CD86: variants seen among roughly 807,000 people sequenced by gnomAD.
The protein encoded by CD86 is T-lymphocyte activation antigen CD86.
Under a neutral mutation model 32.1 loss-of-function variants are expected in CD86, and 11 were observed. The ratio of observed to expected loss-of-function variants is 0.34; its 90% CI spans 0.22 to 0.57. The LOEUF is 0.57. Ranked by LOEUF, CD86 falls within the 20% of genes least tolerant of loss-of-function variation. The pLI, the probability that CD86 is intolerant of heterozygous loss-of-function variation, is 0.86. For missense variants in CD86, 359 were observed against 398.4 expected, an observed-to-expected ratio of 0.90 and a Z score of 0.84; for synonymous variants, 137 against 135.3, an observed-to-expected ratio of 1.01 and a Z score of -0.09.
At chr3:122,081,591 C>A (rs560389632) in intron 1 of CD86, among the ~76,000 whole-genome samples, 46 of 152,260 alleles carry the variant, frequency 3.0e-4, no homozygotes, top group African/African-American at 1.1e-3. Context: ...GGAAATTAAC[C>A]ATTGTTATTG....
At chr3:122,094,278 T>C (rs1416111719) in intron 2 of CD86, among the ~76,000 whole-genome samples, 3 of 152,170 alleles carry the variant, frequency 2.0e-5, no homozygotes, top group East Asian at 1.9e-4. Flanking sequence ...GAAAACTGAG[T>C]TCAGGTGTCA....
intron 1 of CD86, among the ~76,000 whole-genome samples, chr3:122,059,303 C>T (rs536092950): frequency 1.3e-5 from 2 of 152,164 alleles, no homozygotes; most frequent in South Asian, 4.1e-4. Flanking sequence ...AAAACCTTGA[C>T]ATCTAAGGAG....
chr3:122,113,199 T>G (rs949175896), intron 5 of CD86, among the ~76,000 whole-genome samples: 5 of 152,258 alleles, frequency 3.3e-5, no homozygotes, highest in African/African-American at 4.8e-5. Context: ...TTTTTATGGC[T>G]GAGTAATATT....
chr3:122,078,102 G>T, intron 1 of CD86: 1 of 957,430 alleles, frequency 1.0e-6, no homozygotes, highest in African/African-American at 1.8e-5. Context: ...GCTGCAAGCT[G>T]CATCTGGGGC....
intron 1 of CD86, among the ~76,000 whole-genome samples, chr3:122,074,183 A>G (rs1194235443): frequency 6.6e-6 from 1 of 152,242 alleles, no homozygotes; most frequent in Non-Finnish European, 1.5e-5. Context: ...CTTTCTAGGC[A>G]TGAGCCATCA....
chr3:122,097,725 G>C (rs1027386146), intron 2 of CD86, among the ~76,000 whole-genome samples: 2 of 152,174 alleles, frequency 1.3e-5, no homozygotes, highest in African/African-American at 4.8e-5. Flanking sequence ...GTGGGGAATA[G>C]TGTCTTTAGG....
intron 1 of CD86, among the ~76,000 whole-genome samples, chr3:122,080,721 G>A (rs1026481864): frequency 6.6e-6 from 1 of 152,168 alleles, no homozygotes; most frequent in African/African-American, 2.4e-5. Flanking sequence ...AGGGGGATTT[G>A]CTCCAAGGAG....
At chr3:122,109,720 G>GT (rs2073145096) in intron 5 of CD86, among the ~76,000 whole-genome samples, 1 of 152,112 alleles carries the variant, frequency 6.6e-6, no homozygotes, top group African/African-American at 2.4e-5. Context: ...TATACATAAA[G>GT]TAAAATGGTG....
At chr3:122,062,637 T>C (rs1254246038) in intron 1 of CD86, among the ~76,000 whole-genome samples, 1 of 152,182 alleles carries the variant, frequency 6.6e-6, no homozygotes, top group Non-Finnish European at 1.5e-5. Flanking sequence ...GCCAGGGTTT[T>C]GAGCTAGTTT....
rs561788422 is a variant in CD86, at chr3:122,103,488, C to T, written c.65-24C>T. 4 of 1,547,086 alleles carry T rather than the reference C, an allele frequency of 2.6e-6. No individual in the cohort carries two copies. The East Asian group carries it at 6.7e-5, about 26-fold the overall frequency. ...CCCCTTTCCTCTTGTTTCTCCCTCC[C>T]TAATCCTTAACCTTCTTTTTTAGGT... On this transcript the variant is annotated intron_variant, in intron 2 of 6. Coordinates refer to ENST00000330540, the MANE Select transcript of CD86 (RefSeq NM_175862.5).
intron 1 of CD86, among the ~76,000 whole-genome samples, chr3:122,071,734 T>A (rs560483151): frequency 1.7e-4 from 26 of 152,196 alleles, no homozygotes; most frequent in African/African-American, 6.3e-4. Flanking sequence ...CTTTATTTTT[T>A]TTTTATTATA....
intron 1 of CD86, among the ~76,000 whole-genome samples, chr3:122,086,317 G>T (rs1005399018): frequency 6.6e-6 from 1 of 151,988 alleles, no homozygotes; most frequent in Non-Finnish European, 1.5e-5. Flanking sequence ...CTTTTTCTTT[G>T]TTGCTCTCCA....
intron 5 of CD86, among the ~76,000 whole-genome samples, chr3:122,116,228 G>A (rs545114447): frequency 6.6e-6 from 1 of 152,148 alleles, no homozygotes; most frequent in African/African-American, 2.4e-5. Flanking sequence ...GGGAGAAAAC[G>A]TTTGCAAAAT....
At chr3:122,075,789 A>ATT (rs1221565073) in intron 1 of CD86, among the ~76,000 whole-genome samples, 1 of 152,214 alleles carries the variant, frequency 6.6e-6, no homozygotes, top group Non-Finnish European at 1.5e-5. Context: ...ACAGCATTGG[A>ATT]GGAGGCTGCT....
intron 2 of CD86, among the ~76,000 whole-genome samples, chr3:122,099,811 C>T (rs1456212822): frequency 6.6e-6 from 1 of 152,146 alleles, no homozygotes; most frequent in Non-Finnish European, 1.5e-5. Flanking sequence ...TGCTCAATAG[C>T]CACAGGGGCT....
At position 122,120,143 on chromosome 3, in the gene CD86, G is replaced by C. The variant is rs2073320778; in HGVS notation, c.*609G>C. The C allele has an allele frequency of 6.6e-6, 1 of 152,404 alleles. No homozygotes were observed. Among genetic ancestry groups the C allele is most frequent in the Admixed American group, 6.5e-5 (1 of 15,294 alleles). The allele number at this position is 152,404 out of a possible 1,614,324, so 9.4% of individuals were successfully genotyped here. ...GGTCAGTAAGGAAAACGGTGGCCTA[G>C]GGTACAGGCAACAATGAGCAGACCA... On this transcript the variant is annotated 3_prime_UTR_variant, in exon 7 of 7. Coordinates refer to ENST00000330540, the MANE Select transcript of CD86 (RefSeq NM_175862.5).
chr3:122,092,096 A>G (rs1007202624), intron 2 of CD86: 2 of 156,978 alleles, frequency 1.3e-5, no homozygotes, highest in African/African-American at 4.8e-5. Context: ...CATTCGGAGC[A>G]CTGGCTTTCA....
chr3:122,080,924 G>A (rs752098713), intron 1 of CD86, among the ~76,000 whole-genome samples: 4 of 152,026 alleles, frequency 2.6e-5, no homozygotes, highest in African/African-American at 4.8e-5. Context: ...TCATCATGCC[G>A]ACTGCCTCTT....
intron 4 of CD86, 120 bp from the exon 5 acceptor site, chr3:122,109,144 AG>A: frequency 1.0e-6 from 1 of 997,498 alleles, no homozygotes; most frequent in African/African-American, 1.6e-5. Context: ...TGTGGATTTC[AG>A]GCTTCTCTGG....
Sources: gnomAD v4.1 joint callset for allele counts (sites outside exome capture counted in the v4.1 genomes callset) on GRCh38, gnomAD v4.1.1 for gene constraint, MANE v1.5 for transcripts, NCBI Gene and HGNC (gene_info 2026-07-23, HGNC 2026-07-21) for gene names.